Variants in TET2 observed in about 807,000 individuals in gnomAD.
The protein encoded by TET2 is tet methylcytosine dioxygenase 2, also known as methylcytosine dioxygenase TET2.
Under a neutral mutation model 142.9 loss-of-function variants are expected in TET2, and 299 were observed. The observed-to-expected ratio is 2.09, with a 90% CI of 1.90 to 2.30. The LOEUF (loss-of-function observed/expected upper bound fraction) is 2.30. TET2 is among the 30% of genes most tolerant of loss of function. TET2 has a pLI of 0.00. For missense variants in TET2, 2,418 were observed against 2,378.0 expected (o/e 1.02, Z -0.35); for synonymous variants, 819 against 849.0 (o/e 0.96, Z 0.61).
chr4:105,236,203 AG>A lies in TET2; in HGVS notation c.2263del (p.Glu755LysfsTer58). On this transcript the variant is annotated frameshift_variant, in exon 3 of 11. Coordinates refer to ENST00000380013, the MANE Select transcript of TET2 (RefSeq NM_001127208.3). LOFTEE classifies it high-confidence loss of function. The stretch of plus-strand genomic sequence containing the variant: ...CAAAAATTACAAATAAAGAATAAAG[AG>A]GAAATACTCCAGACTTTTCCTCACC... ...QQQKLQIKNKEEILQTFPHPQ... is the reference protein window; with the variant it reads ...QQQKLQIKNKXEILQTFPHPQ... 1 of 1,614,114 alleles carries A rather than the reference AG, an allele frequency of 6.2e-7. No individual in the cohort carries two copies. Among genetic ancestry groups the A allele is most frequent in the Non-Finnish European group, 8.5e-7 (1 of 1,180,020 alleles).
intron 1 of TET2, among the ~76,000 whole-genome samples, chr4:105,184,115 T>G (rs1464116838): frequency 6.6e-6 from 1 of 152,220 alleles, no homozygotes; most frequent in Non-Finnish European, 1.5e-5. Flanking sequence ...GAAAAGTTTG[T>G]GTTTCAGATG....
intron 9 of TET2, among the ~76,000 whole-genome samples, chr4:105,271,112 G>A (rs959844961): frequency 2.6e-5 from 4 of 152,008 alleles, no homozygotes; most frequent in African/African-American, 9.7e-5. Flanking sequence ...GGGTTTTTTT[G>A]TTTATTTTGT....
intron 2 of TET2, among the ~76,000 whole-genome samples, chr4:105,229,661 A>AT (rs1328255237): frequency 1.3e-5 from 2 of 152,132 alleles, no homozygotes; most frequent in African/African-American, 2.4e-5. Context: ...TTAAAAAAAA[A>AT]AAAAAGGAAT....
intron 2 of TET2, among the ~76,000 whole-genome samples, chr4:105,212,887 G>A (rs1283844204): frequency 2.6e-5 from 4 of 152,126 alleles, no homozygotes; most frequent in Non-Finnish European, 5.9e-5. Context: ...ATACTTGGAT[G>A]GCTGAGGCAG....
At position 105,191,792 on chromosome 4, in the gene TET2, C is replaced by T. The variant is rs758439126; in HGVS notation, c.-47+1287C>T. On this transcript the variant is annotated intron_variant, in intron 2 of 10. Transcript: ENST00000380013. ...AGGGCAAGCGCATCTGTCTAGATTA[C>T]CTCTCTACCTTGGGAATTTTAAGTC... is the stretch of plus-strand genomic sequence containing the variant. Among the ~76,000 whole-genome samples, 34 of 152,242 alleles carry T rather than the reference C, an allele frequency of 2.2e-4. No individual in the cohort carries two copies. The Middle Eastern group carries it at 0.01, about 46-fold the overall frequency.
chr4:105,241,138 C>T, intron 3 of TET2: 1 of 1,162,458 alleles, frequency 8.6e-7, no homozygotes, highest in Non-Finnish European at 1.1e-6. Context: ...TTTTATCCAA[C>T]AACCAGCATG....
chr4:105,148,121 C>T (rs528931065), intron 1 of TET2, among the ~76,000 whole-genome samples: 1 of 151,868 alleles, frequency 6.6e-6, no homozygotes, highest in Non-Finnish European at 1.5e-5. Context: ...ACTGGGACTG[C>T]TTGTCTAGTT....
At chr4:105,175,607 G>A (rs77510039) in intron 1 of TET2, among the ~76,000 whole-genome samples, 7,894 of 151,952 alleles carry the variant, frequency 0.052, 235 homozygotes, top group Non-Finnish European at 0.057. Context: ...TATAATGTAC[G>A]TGCAATGGGC....
intron 1 of TET2, among the ~76,000 whole-genome samples, chr4:105,169,089 G>A: frequency 6.6e-6 from 1 of 152,020 alleles, no homozygotes; most frequent in East Asian, 1.9e-4. Flanking sequence ...TTTTCCTCTG[G>A]GTAGATACCC....
In TET2 at chr4:105,272,562, A is replaced by C; in HGVS notation, c.4183-2A>C. 2 of 1,501,508 alleles carry C rather than the reference A, an allele frequency of 1.3e-6. No homozygotes were observed. Among genetic ancestry groups the C allele is most frequent in the Non-Finnish European group, 1.8e-6 (2 of 1,124,462 alleles). 93.0% of individuals were successfully genotyped at this position (1,501,508 alleles called of 1,614,324 possible). On this transcript the variant is annotated splice_acceptor_variant, in intron 9 of 10. Coordinates refer to ENST00000380013, the MANE Select transcript of TET2 (RefSeq NM_001127208.3). LOFTEE classifies it high-confidence loss of function. ...GGCTGTAATGTCTTACTTCCCTACC[A>C]GGTATGCACTCTCACTAGAGAAGAC...
At chr4:105,237,538 C>G (rs1266585793) in intron 3 of TET2, 187 bp downstream of exon 3, 1 of 1,555,766 alleles carries the variant, frequency 6.4e-7, no homozygotes, top group Non-Finnish European at 8.6e-7. Flanking sequence ...AAGAGAACTT[C>G]ACTTACATGC....
rs1731025228 is a variant in TET2, at chr4:105,272,698, A to C, written c.4317A>C (p.Lys1439Asn). ...FGSVEAQEEKKRSGAIQVLSS... is the reference protein window; with the variant it reads ...FGSVEAQEEKNRSGAIQVLSS... The stretch of plus-strand genomic sequence containing the variant: ...GTGTGGAAGCTCAGGAGGAGAAAAA[A>C]CGGAGTGGTGCCATTCAGGTACTGA... The change falls in exon 10 of 11, where the codon AAA becomes AAC. Residue 1439 changes from lysine (K) to asparagine (N), a missense_variant. Physicochemically the swap from Lys to Asn is moderately conservative, Grantham distance 94. Coordinates refer to ENST00000380013, the MANE Select transcript of TET2 (RefSeq NM_001127208.3). 6.4e-7 allele frequency: 1 copy of C among 1,551,716 alleles called. No individual in the cohort carries two copies. The highest frequency in any genetic ancestry group is 8.7e-7 in the Non-Finnish European group (1 of 1,146,992).
chr4:105,149,574 A>G (rs1249463102), intron 1 of TET2, among the ~76,000 whole-genome samples: 1 of 152,230 alleles, frequency 6.6e-6, no homozygotes, highest in Non-Finnish European at 1.5e-5. Context: ...AAAATTCCAT[A>G]GGACTGTCTT....
chr4:105,236,815 A>G lies in TET2; in HGVS notation c.2873A>G (p.Gln958Arg), dbSNP rs1394175048. The G allele has an allele frequency of 1.2e-6, 2 of 1,614,188 alleles. No homozygotes were observed. The highest frequency in any genetic ancestry group is 1.7e-6 in the Non-Finnish European group (2 of 1,180,020). ...GCTGCTCTAAGGTGGCATCTCTTAC[A>G]GAAGCAAGAACAGCAGCAAACACAG... ...KHAALRWHLL[Q>R]KQEQQQTQQP... Residue 958 changes from glutamine to arginine, a missense_variant, in exon 3 of 11, where the codon CAG becomes CGG. Gln to Arg is a conservative substitution (Grantham distance 43, BLOSUM62 1). Transcript: ENST00000380013.
intron 4 of TET2, chr4:105,242,019 A>C (rs968389968): frequency 8.1e-7 from 1 of 1,240,668 alleles, no homozygotes; most frequent in African/African-American, 1.6e-5. Flanking sequence ...CTTATGAGCG[A>C]GATAATGCAG....
At chr4:105,213,005 A>G (rs1031034327) in intron 2 of TET2, among the ~76,000 whole-genome samples, 2 of 152,192 alleles carry the variant, frequency 1.3e-5, no homozygotes, top group Non-Finnish European at 2.9e-5. Context: ...AAAAAAAAAA[A>G]TTAATTTTCC....
At chr4:105,224,087 GA>G (rs35238479) in intron 2 of TET2, among the ~76,000 whole-genome samples, 1 of 151,232 alleles carries the variant, frequency 6.6e-6, no homozygotes, top group African/African-American at 2.4e-5. Context: ...TTGTCCCCTT[GA>G]AAAAAAGCTG....
At chr4:105,189,966 T>C (rs553831764) in intron 1 of TET2, among the ~76,000 whole-genome samples, 76 of 152,308 alleles carry the variant, frequency 5.0e-4, no homozygotes, top group African/African-American at 1.7e-3. Context: ...GAGAATAAAG[T>C]TTCCTCTTAG....
intron 1 of TET2, among the ~76,000 whole-genome samples, chr4:105,163,848 A>AGG (rs1560716817): frequency 5.3e-5 from 6 of 113,628 alleles, no homozygotes; most frequent in Middle Eastern, 4.6e-3. Context: ...AGAGAGAGAG[A>AGG]GAGAGAGTGT....
Sources: allele counts gnomAD v4.1 joint callset (sites outside exome capture counted in the v4.1 genomes callset), GRCh38; gene constraint gnomAD v4.1.1; transcripts MANE v1.5; gene names NCBI Gene and HGNC (gene_info 2026-07-23, HGNC 2026-07-21).